UPP1: variants seen among roughly 807,000 people sequenced by gnomAD.
The protein encoded by UPP1 is UPase 1.
In UPP1, 25 loss-of-function variants were observed where a neutral mutation model predicts 29.6. That is an observed-to-expected ratio of 0.85 (90% CI 0.62 to 1.18). The LOEUF (loss-of-function observed/expected upper bound fraction) is 1.18. Ranked by LOEUF, UPP1 falls within the 50% of genes most tolerant of loss-of-function variation. The pLI is 0.00. For missense variants in UPP1, 368 were observed against 410.4 expected (o/e 0.90, Z 0.89); for synonymous variants, 165 against 159.8 (o/e 1.03, Z -0.25).
chr7:48,094,655 T>C (rs1280946374), intron 2 of UPP1, 108 bp from the exon 3 acceptor site: 3 of 890,782 alleles, frequency 3.4e-6, no homozygotes, highest in African/African-American at 3.3e-5. Flanking sequence ...ATCAGGTGTG[T>C]AAGGAATTCC....
At chr7:48,102,506 C>T (rs1792483745) in intron 5 of UPP1, among the ~76,000 whole-genome samples, 1 of 152,144 alleles carries the variant, frequency 6.6e-6, no homozygotes, top group African/African-American at 2.4e-5. Flanking sequence ...AAAGGGAACC[C>T]CTTTTGTTGA....
chr7:48,100,748 T>C (rs1792375508), intron 4 of UPP1, among the ~76,000 whole-genome samples: 1 of 152,262 alleles, frequency 6.6e-6, no homozygotes, highest in Admixed American at 6.5e-5. Flanking sequence ...TGTTCTTTGA[T>C]AGTGTTGGTT....
At chr7:48,095,501 C>T (rs575805848) in intron 3 of UPP1, among the ~76,000 whole-genome samples, 3 of 152,038 alleles carry the variant, frequency 2.0e-5, no homozygotes, top group South Asian at 2.1e-4. Flanking sequence ...TCTGTAACTT[C>T]CCTGAGACCT....
chr7:48,098,643 T>G (rs781007528), intron 3 of UPP1, among the ~76,000 whole-genome samples: 1 of 152,230 alleles, frequency 6.6e-6, no homozygotes, highest in African/African-American at 2.4e-5. Flanking sequence ...ACCTTGCCTC[T>G]CTTGTGTCTT....
intron 5 of UPP1, 116 bp downstream of exon 5, chr7:48,102,098 G>A: frequency 8.6e-7 from 1 of 1,168,072 alleles, no homozygotes; most frequent in East Asian, 2.6e-5. Context: ...AAATGGCTGG[G>A]AGCAGGGTGA....
rs758732264 is a variant in UPP1, at chr7:48,107,524, G to A, written c.793+17G>A. 5.9e-5 allele frequency: 93 copies of A among 1,589,126 alleles called. No individual in the cohort carries two copies. Among genetic ancestry groups the A allele is most frequent in the Non-Finnish European group, 7.7e-5 (90 of 1,163,754 alleles). On this transcript the variant is annotated intron_variant, in intron 8 of 8. Coordinates refer to ENST00000395564, the MANE Select transcript of UPP1 (RefSeq NM_003364.4). ...GCCTCCAAGGTAAGCGGCACTTGAT[G>A]GGCCTCGGCGTCCCCTCCTCCCTTC...
rs1031307566 is a variant in UPP1, at chr7:48,103,422, C to T, written c.436+11C>T. On this transcript the variant is annotated intron_variant, in intron 6 of 8. Coordinates refer to ENST00000395564, the MANE Select transcript of UPP1 (RefSeq NM_003364.4). ...CTTCTGGTGGGATAGGTAAGGTCTG[C>T]AGAGGGGCCTCTTGCCCTGTGAATG... 2 of 1,607,586 alleles carry T rather than the reference C, an allele frequency of 1.2e-6. No homozygotes were observed. The highest frequency in any genetic ancestry group is 1.7e-6 in the Non-Finnish European group (2 of 1,174,156).
intron 1 of UPP1, chr7:48,089,672 TC>T (rs1447453141): frequency 6.6e-6 from 1 of 151,804 alleles, no homozygotes; most frequent in Non-Finnish European, 1.5e-5. Context: ...GGGATGTGCT[TC>T]CTCGGGTCCA....
In UPP1 at chr7:48,106,959, C is replaced by T. The variant is rs770919651; in HGVS notation, c.523C>T (p.Arg175Trp). The T allele has an allele frequency of 1.5e-5, 24 of 1,613,198 alleles. No homozygotes were observed. Among genetic ancestry groups the T allele is most frequent in the Middle Eastern group, 1.8e-4 (1 of 5,492 alleles). The change falls in exon 7 of 9, where the codon CGG becomes TGG. Residue 175 changes from arginine to tryptophan, a missense_variant. Physicochemically the swap from Arg to Trp is moderately radical, Grantham distance 101 (BLOSUM62 -3). Coordinates refer to ENST00000395564, the MANE Select transcript of UPP1 (RefSeq NM_003364.4). ...GTTTGAGCAGATTGTCCTGGGGAAG[C>T]GGGTCATCCGGAAAACGGACCTTAA... ...AEFEQIVLGK[R>W]VIRKTDLNKK...
At chr7:48,091,126 T>C (rs1250618261) in intron 2 of UPP1, among the ~76,000 whole-genome samples, 2 of 152,086 alleles carry the variant, frequency 1.3e-5, no homozygotes, top group African/African-American at 4.8e-5. Flanking sequence ...CAAACATTCT[T>C]CTTCCTTCTC....
At chr7:48,107,322 CACAT>C in intron 7 of UPP1, 35 bp from the exon 8 acceptor site, 1 of 1,583,510 alleles carries the variant, frequency 6.3e-7, no homozygotes, top group Non-Finnish European at 8.6e-7. Flanking sequence ...AGGAGCTTCT[CACAT>C]GCATGTGGTT....
chr7:48,106,899 A>ACAG lies in UPP1; in HGVS notation c.464_466dup (p.Thr155_Glu156insAla). 2 of 1,613,822 alleles carry ACAG rather than the reference A, an allele frequency of 1.2e-6. No homozygotes were observed. The highest frequency in any genetic ancestry group is 1.7e-6 in the Non-Finnish European group (2 of 1,179,954). ...TCTGGAGCCCGGCACTGTGGTCATAACAGAGCAGGCAGTGGATACCTGCTT... is the reference window on the plus strand; with the variant it reads ...TCTGGAGCCCGGCACTGTGGTCATAACAGCAGAGCAGGCAGTGGATACCTGCTT... On this transcript the variant is annotated inframe_insertion, in exon 7 of 9. Transcript: ENST00000395564.
At chr7:48,102,454 ATT>A (rs1792479034) in intron 5 of UPP1, among the ~76,000 whole-genome samples, 1 of 152,164 alleles carries the variant, frequency 6.6e-6, no homozygotes, top group Non-Finnish European at 1.5e-5. Context: ...TTCAGTTTTG[ATT>A]TTGTCAGGAG....
rs764687543 is a variant in UPP1 at position 48,108,358 on chromosome 7, G to A, written c.*1G>A. ...CAAGAAGAAACTGAGCAAGGCCTGA[G>A]CGCTGCCCTGCACCTCCGCAGACCT... On this transcript the variant is annotated 3_prime_UTR_variant, in exon 9 of 9. Coordinates refer to ENST00000395564, the MANE Select transcript of UPP1 (RefSeq NM_003364.4). 1.7e-5 allele frequency: 28 copies of A among 1,612,546 alleles called. No homozygotes were observed. The South Asian group carries it at 2.3e-4, about 13-fold the overall frequency.
intron 3 of UPP1, among the ~76,000 whole-genome samples, chr7:48,097,269 T>C (rs1190433616): frequency 6.6e-6 from 1 of 152,176 alleles, no homozygotes; most frequent in African/African-American, 2.4e-5. Context: ...AGTCTTACTC[T>C]GTTACCTAGG....
At chr7:48,103,663 T>C (rs994271817) in intron 6 of UPP1, 2 of 1,048,722 alleles carry the variant, frequency 1.9e-6, no homozygotes, top group Admixed American at 5.2e-5. Flanking sequence ...ACTCATCCTT[T>C]TGGGGTTACA....
intron 2 of UPP1, among the ~76,000 whole-genome samples, chr7:48,093,527 A>G (rs1407545362): frequency 1.3e-5 from 2 of 152,192 alleles, no homozygotes; most frequent in Non-Finnish European, 2.9e-5. Context: ...CCTGGCCATT[A>G]CAGGGCATTT....
rs1791684746 is a variant in UPP1 at position 48,089,342 on chromosome 7, G to A, written c.-275G>A. On this transcript the variant is annotated 5_prime_UTR_variant, in exon 1 of 9. Coordinates refer to ENST00000395564, the MANE Select transcript of UPP1 (RefSeq NM_003364.4). ...AGAGCCGTCCCTTCGTCCGGCCCTG[G>A]AGCATTGCGTTTGTCGCCGGTGTCG... 1 of 152,308 alleles carries A rather than the reference G, an allele frequency of 6.6e-6. No individual in the cohort carries two copies. The highest frequency in any genetic ancestry group is 6.5e-5 in the Admixed American group (1 of 15,286). The allele number at this position is 152,308 out of a possible 1,614,324, so 9.4% of individuals were successfully genotyped here. A position where few individuals can be genotyped will look rare whatever the true frequency, so the allele number is the denominator to read the frequency against.
At chr7:48,091,935 T>C (rs892194517) in intron 2 of UPP1, among the ~76,000 whole-genome samples, 5 of 152,204 alleles carry the variant, frequency 3.3e-5, no homozygotes, top group African/African-American at 4.8e-5. Flanking sequence ...ACATCCTTAC[T>C]CTACAAGGCC....
Sources: gnomAD v4.1 joint callset for allele counts (sites outside exome capture counted in the v4.1 genomes callset) on GRCh38, gnomAD v4.1.1 for gene constraint, MANE v1.5 for transcripts, NCBI Gene and HGNC (gene_info 2026-07-23, HGNC 2026-07-21) for gene names.